Variants in DCLK1 observed in about 807,000 individuals in gnomAD.
The protein encoded by DCLK1 is doublecortin like kinase 1, also known as serine/threonine-protein kinase DCLK1.
DCLK1 carries 16 observed loss-of-function variants against 86.2 expected under a neutral mutation model. That is an observed-to-expected ratio of 0.19 (90% CI 0.13 to 0.28). DCLK1 has a LOEUF of 0.28. DCLK1 is among the 10% of genes least tolerant of loss of function. DCLK1 has a pLI of 1.00. For synonymous variants in DCLK1, 369 were observed against 370.5 expected (o/e 1.00, Z 0.05); for missense variants, 590 against 940.2 (o/e 0.63, Z 4.87).
chr13:36,098,729 T>C (rs2138155093), intron 3 of DCLK1, among the ~76,000 whole-genome samples: 1 of 152,252 alleles, frequency 6.6e-6, no homozygotes. Flanking sequence ...TTGTAAAGTT[T>C]TGAAAGTAAC....
chr13:36,125,173 A>G (rs1886126065), intron 2 of DCLK1, among the ~76,000 whole-genome samples: 1 of 152,234 alleles, frequency 6.6e-6, no homozygotes, highest in African/African-American at 2.4e-5. Context: ...AAAATCAGAG[A>G]AAGACAATAA....
At chr13:35,836,543 T>A (rs1318565656) in intron 7 of DCLK1, among the ~76,000 whole-genome samples, 1 of 152,206 alleles carries the variant, frequency 6.6e-6, no homozygotes, top group Non-Finnish European at 1.5e-5. Context: ...CAAGGGACTC[T>A]GGGCTGCTTG....
chr13:35,915,960 T>G (rs968463007), intron 4 of DCLK1, among the ~76,000 whole-genome samples: 1 of 152,204 alleles, frequency 6.6e-6, no homozygotes, highest in Admixed American at 6.5e-5. Context: ...AGAGTAAGTA[T>G]TTTAAAACAA....
At chr13:36,106,705 A>G (rs969110706) in intron 3 of DCLK1, among the ~76,000 whole-genome samples, 2 of 152,194 alleles carry the variant, frequency 1.3e-5, no homozygotes, top group Non-Finnish European at 2.9e-5. Flanking sequence ...TGCTGCTAAT[A>G]GCTACAGAAA....
rs567465586 is a variant in DCLK1, at chr13:35,902,104, G to T, written c.824-30764C>A. Among the ~76,000 whole-genome samples the T allele has an allele frequency of 1.6e-4, 25 of 152,286 alleles. 1 individual carries two copies. The highest frequency in any genetic ancestry group is 1.0e-3 in the South Asian group (5 of 4,810). On this transcript the variant is annotated intron_variant, in intron 4 of 16. Transcript: ENST00000360631. ...TATGCACAGGAAGTATTTAATATTA[G>T]TTAGGTTTAATTTGATTCAATGCAT... is the stretch of plus-strand genomic sequence containing the variant.
intron 5 of DCLK1, among the ~76,000 whole-genome samples, chr13:35,868,168 G>A (rs949179361): frequency 6.6e-6 from 1 of 151,780 alleles, no homozygotes; most frequent in African/African-American, 2.4e-5. Context: ...GACTACAGGC[G>A]CCTGCCACCA....
intron 3 of DCLK1, among the ~76,000 whole-genome samples, chr13:36,109,692 G>A (rs572484306): frequency 6.6e-6 from 1 of 152,298 alleles, no homozygotes; most frequent in East Asian, 1.9e-4. Flanking sequence ...TCACTGATGA[G>A]GATAATGAAG....
chr13:35,823,750 T>A (rs888856339), intron 10 of DCLK1, among the ~76,000 whole-genome samples: 2 of 152,198 alleles, frequency 1.3e-5, no homozygotes, highest in Admixed American at 6.5e-5. Flanking sequence ...AGTAACCAAC[T>A]GTGATCATCT....
At chr13:36,079,687 C>T (rs1884345862) in intron 3 of DCLK1, among the ~76,000 whole-genome samples, 1 of 152,000 alleles carries the variant, frequency 6.6e-6, no homozygotes, top group South Asian at 2.1e-4. Context: ...GTACCAACAG[C>T]ATTATCAGGA....
rs930321725 is a variant in DCLK1 at position 35,993,236 on chromosome 13, T to G, written c.724-45779A>C. 1.6e-4 allele frequency among the ~76,000 whole-genome samples: 25 copies of G among 152,304 alleles called. No homozygotes were observed. In the East Asian group the frequency reaches 4.8e-3, roughly 29 times the overall value. ...CTCTCACTTCCTCCCGAAAGCTTTC[T>G]CTGCTGTCCCTGCCTTCGATCAATC... On this transcript the variant is annotated intron_variant, in intron 3 of 16. Coordinates refer to ENST00000360631, the MANE Select transcript of DCLK1 (RefSeq NM_001330071.2).
intron 3 of DCLK1, among the ~76,000 whole-genome samples, chr13:35,993,991 C>T (rs1421935209): frequency 2.0e-5 from 3 of 151,898 alleles, no homozygotes; most frequent in African/African-American, 4.8e-5. Context: ...GTCCTTCCAG[C>T]GTTTCAGACT....
At chr13:35,867,572 C>A (rs903792403) in intron 5 of DCLK1, among the ~76,000 whole-genome samples, 3 of 152,008 alleles carry the variant, frequency 2.0e-5, no homozygotes, top group Admixed American at 6.6e-5. Flanking sequence ...TGTGTCCTAC[C>A]CATTTTAAAC....
intron 3 of DCLK1, among the ~76,000 whole-genome samples, chr13:35,980,574 T>G (rs895906269): frequency 6.6e-6 from 1 of 152,172 alleles, no homozygotes; most frequent in Non-Finnish European, 1.5e-5. Context: ...TCTTTTTAAT[T>G]TTGAATACTA....
intron 4 of DCLK1, among the ~76,000 whole-genome samples, chr13:35,904,411 C>T (rs951195321): frequency 1.3e-5 from 2 of 152,106 alleles, no homozygotes; most frequent in African/African-American, 4.8e-5. Context: ...AGGCTGGTCT[C>T]GAACTCCTCA....
intron 5 of DCLK1, among the ~76,000 whole-genome samples, chr13:35,855,076 C>A (rs1870950861): frequency 6.6e-6 from 1 of 152,214 alleles, no homozygotes. Flanking sequence ...CCTGCATCCA[C>A]CTGTGTCTTG....
intron 6 of DCLK1, chr13:35,847,052 G>T (rs1870230048): frequency 2.0e-6 from 2 of 984,788 alleles, no homozygotes; most frequent in Admixed American, 1.2e-4. Context: ...TATAGTGATT[G>T]GCAACCACTA....
intron 3 of DCLK1, among the ~76,000 whole-genome samples, chr13:36,070,834 G>T (rs1040993760): frequency 1.3e-5 from 2 of 151,924 alleles, no homozygotes; most frequent in African/African-American, 4.8e-5. Flanking sequence ...GTAGAAACGG[G>T]GTTTCACTAT....
At chr13:35,801,998 A>G (rs1382491672) in intron 15 of DCLK1, among the ~76,000 whole-genome samples, 1 of 152,108 alleles carries the variant, frequency 6.6e-6, no homozygotes, top group Non-Finnish European at 1.5e-5. Context: ...TCCAGGATTG[A>G]GCTCTGGCAC....
intron 3 of DCLK1, among the ~76,000 whole-genome samples, chr13:36,073,704 C>CTCTGT (rs1884062553): frequency 6.6e-6 from 1 of 152,068 alleles, no homozygotes; most frequent in South Asian, 2.1e-4. Flanking sequence ...CTGGCTCACA[C>CTCTGT]CTGAACTATG....
Sources: allele counts gnomAD v4.1 joint callset (sites outside exome capture counted in the v4.1 genomes callset), GRCh38; gene constraint gnomAD v4.1.1; transcripts MANE v1.5; gene names NCBI Gene and HGNC (gene_info 2026-07-23, HGNC 2026-07-21).